PPP3R1: variants seen among roughly 807,000 people sequenced by gnomAD.
PPP3R1 encodes the protein calcineurin subunit B type 1.
Under a neutral mutation model 22.6 loss-of-function variants are expected in PPP3R1, and 5 were observed. That is an observed-to-expected ratio of 0.22 (90% CI 0.12 to 0.46). The LOEUF (loss-of-function observed/expected upper bound fraction) is 0.46, where lower values mean the gene tolerates loss of function less well. PPP3R1 is among the 20% of genes least tolerant of loss of function. The probability of loss-of-function intolerance (pLI) is 0.99; values close to 1 mark genes in which losing one functional copy is unlikely to be tolerated. For missense variants in PPP3R1, 61 were observed against 203.2 expected, an observed-to-expected ratio of 0.30 and a Z score of 4.25; for synonymous variants, 56 against 65.2, an observed-to-expected ratio of 0.86 and a Z score of 0.68.
chr2:68,181,163 G>GTGGAT, intron 5 of PPP3R1, among the ~76,000 whole-genome samples, 153 bp from the exon 6 acceptor site: 1 of 152,304 alleles, frequency 6.6e-6, no homozygotes, highest in South Asian at 2.1e-4. Context: ...GCCAAGGCAG[G>GTGGAT]TGGATCACAA....
chr2:68,189,208 T>C (rs1674610612), intron 2 of PPP3R1, among the ~76,000 whole-genome samples: 1 of 152,140 alleles, frequency 6.6e-6, no homozygotes, highest in Non-Finnish European at 1.5e-5. Flanking sequence ...TTCCCTCCCT[T>C]CCCACCCCGA....
intron 5 of PPP3R1, among the ~76,000 whole-genome samples, chr2:68,181,763 C>T (rs1674408968): frequency 6.6e-6 from 1 of 152,118 alleles, no homozygotes; most frequent in Non-Finnish European, 1.5e-5. Flanking sequence ...ACTGTCCTCA[C>T]AATCAAATAT....
chr2:68,228,150 TTTGTC>T (rs1669821920), intron 1 of PPP3R1, among the ~76,000 whole-genome samples: 2 of 152,140 alleles, frequency 1.3e-5, no homozygotes, highest in South Asian at 4.1e-4. Flanking sequence ...AAGTTTTTGT[TTTGTC>T]TTGGGTTTTA....
In PPP3R1 at chr2:68,186,639, G is replaced by C; in HGVS notation, c.294C>G (p.Ile98Met). The stretch of plus-strand genomic sequence containing the variant: ...TATAGCCATCTTTATCCATGTCATA[G>C]ATACGGAAAGCAACTAAAAAAAAGG... ...KEQKLRFAFR[I>M]YDMDKDGYIS... is the part of the protein sequence containing the mutation. Residue 98 changes from isoleucine to methionine, a missense_variant, in exon 5 of 6, where the codon ATC becomes ATG. Transcript: ENST00000234310. The C allele has an allele frequency of 6.2e-7, 1 of 1,606,474 alleles. No homozygotes were observed. The highest frequency in any genetic ancestry group is 8.5e-7 in the Non-Finnish European group (1 of 1,176,828).
At chr2:68,204,921 G>A (rs962093143) in intron 2 of PPP3R1, among the ~76,000 whole-genome samples, 42 of 152,336 alleles carry the variant, frequency 2.8e-4, no homozygotes, top group African/African-American at 9.9e-4. Flanking sequence ...TTTTACTGGT[G>A]AAAATTAGTT....
At chr2:68,225,623 T>C (rs1222704964) in intron 1 of PPP3R1, among the ~76,000 whole-genome samples, 1 of 152,216 alleles carries the variant, frequency 6.6e-6, no homozygotes, top group Non-Finnish European at 1.5e-5. Flanking sequence ...AAATAATAAA[T>C]GAGTGCTGTT....
At chr2:68,181,817 A>C (rs1015700854) in intron 5 of PPP3R1, among the ~76,000 whole-genome samples, 2 of 152,180 alleles carry the variant, frequency 1.3e-5, no homozygotes, top group Admixed American at 1.3e-4. Flanking sequence ...AAAAGTACCA[A>C]GTGAATAAAC....
chr2:68,221,774 T>C (rs1478660093), intron 1 of PPP3R1, among the ~76,000 whole-genome samples: 3 of 151,276 alleles, frequency 2.0e-5, no homozygotes, highest in Non-Finnish European at 2.9e-5. Context: ...ACATACAACA[T>C]AATTACTACA....
intron 2 of PPP3R1, among the ~76,000 whole-genome samples, chr2:68,206,827 A>G (rs1227054239): frequency 6.6e-6 from 1 of 152,204 alleles, no homozygotes; most frequent in African/African-American, 2.4e-5. Flanking sequence ...ACAGCATATA[A>G]TTTAGAGTCC....
intron 2 of PPP3R1, 61 bp downstream of exon 2, chr2:68,217,031 C>T: frequency 8.2e-7 from 1 of 1,226,230 alleles, no homozygotes; most frequent in South Asian, 1.4e-5. Context: ...CACACACACA[C>T]ACACACACAG....
At chr2:68,231,377 C>CTGTTTCA (rs1669894958) in intron 1 of PPP3R1, among the ~76,000 whole-genome samples, 1 of 148,518 alleles carries the variant, frequency 6.7e-6, no homozygotes, top group African/African-American at 2.5e-5. Flanking sequence ...TTTTTTTTTC[C>CTGTTTCA]TGTTTCATGT....
intron 2 of PPP3R1, among the ~76,000 whole-genome samples, chr2:68,195,252 C>T (rs1278032635): frequency 3.3e-5 from 5 of 152,130 alleles, no homozygotes; most frequent in Non-Finnish European, 7.4e-5. Flanking sequence ...GACCTTGAAA[C>T]TTATGATCCA....
chr2:68,242,915 T>C (rs1450541387), intron 1 of PPP3R1, among the ~76,000 whole-genome samples: 1 of 152,178 alleles, frequency 6.6e-6, no homozygotes, highest in African/African-American at 2.4e-5. Context: ...TGTAACTAGG[T>C]TTTAAAATGC....
chr2:68,190,674 A>C (rs1674647755), intron 2 of PPP3R1, among the ~76,000 whole-genome samples: 1 of 152,210 alleles, frequency 6.6e-6, no homozygotes, highest in Admixed American at 6.5e-5. Context: ...AAGAACCTCA[A>C]GTCTTTCTAA....
chr2:68,251,864 ACGGCGGGGCGG>A (rs1262062991), intron 1 of PPP3R1, among the ~76,000 whole-genome samples: 2 of 136,604 alleles, frequency 1.5e-5, no homozygotes, highest in Non-Finnish European at 3.1e-5. Flanking sequence ...GGGTGGGGCG[ACGGCGGGGCGG>A]CGGCCGAGCA....
chr2:68,205,302 G>A (rs559187910), intron 2 of PPP3R1, among the ~76,000 whole-genome samples: 5 of 143,642 alleles, frequency 3.5e-5, no homozygotes, highest in Non-Finnish European at 7.5e-5. Flanking sequence ...CAGTGCAATG[G>A]CGCAATCTCA....
chr2:68,228,363 T>A lies in PPP3R1; in HGVS notation c.4-11232A>T, dbSNP rs145590859. ...TAGTTATCTTTTTTGGATTTTGGTA[T>A]CAAGGAAACAGGGCTACTCAAATTC... On this transcript the variant is annotated intron_variant, in intron 1 of 5. Transcript: ENST00000234310. Among the ~76,000 whole-genome samples, 252 of 152,316 alleles carry A rather than the reference T, an allele frequency of 1.7e-3. 2 individuals are homozygous for A. Among genetic ancestry groups the A allele is most frequent in the African/African-American group, 5.9e-3 (245 of 41,572 alleles).
Position 68,181,326 on chromosome 2 carries a change from G to C in PPP3R1, c.466-316C>G, listed in dbSNP as rs1470208610. On this transcript the variant is annotated intron_variant, in intron 5 of 5. Transcript: ENST00000234310. ...GAGAATCGCTTGAACCCGGGAGTTG[G>C]AGGCTGCAGTGAGCCTATATCGCGC... Among the ~76,000 whole-genome samples, 5 of 151,564 alleles carry C rather than the reference G, an allele frequency of 3.3e-5. No individual in the cohort carries two copies. The East Asian group carries it at 7.8e-4, about 24-fold the overall frequency.
rs1670384802 is a variant in PPP3R1 at position 68,252,295 on chromosome 2, C to A, written c.-168G>T. On this transcript the variant is annotated 5_prime_UTR_variant, in exon 1 of 6. Transcript: ENST00000234310. Reference sequence around the variant, plus strand: ...GCGGCGCCGCGGGGCCCGCGCCGGCCGGGCGATTGGGCACGCGAGGGAGCG... The same window carrying A: ...GCGGCGCCGCGGGGCCCGCGCCGGCAGGGCGATTGGGCACGCGAGGGAGCG... 1.9e-6 allele frequency: 2 copies of A among 1,027,688 alleles called. No homozygotes were observed. The highest frequency in any genetic ancestry group is 2.3e-6 in the Non-Finnish European group (2 of 859,270). The allele number at this position is 1,027,688 out of a possible 1,614,324, so 63.7% of individuals were successfully genotyped here.
Sources: gnomAD v4.1 joint callset for allele counts (sites outside exome capture counted in the v4.1 genomes callset) on GRCh38, gnomAD v4.1.1 for gene constraint, MANE v1.5 for transcripts, NCBI Gene and HGNC (gene_info 2026-07-23, HGNC 2026-07-21) for gene names.